The following GNA12 variants were observed in gnomAD, a reference collection of about 807,000 sequenced individuals.
GNA12 encodes G protein subunit alpha 12.
In GNA12, 9 loss-of-function variants were observed where a neutral mutation model predicts 26.0. The observed-to-expected ratio is 0.35, with a 90% CI of 0.21 to 0.60. GNA12 has a LOEUF of 0.60. GNA12 is among the 20% of genes least tolerant of loss of function. The pLI is 0.78. For synonymous variants in GNA12, 264 were observed against 219.6 expected, an observed-to-expected ratio of 1.20 and a Z score of -1.79; for missense variants, 405 against 525.8, an observed-to-expected ratio of 0.77 and a Z score of 2.25.
In GNA12 at chr7:2,758,470, C is replaced by G. The variant is rs143685144; in HGVS notation, c.526-24969G>C. Among the ~76,000 whole-genome samples, 14 of 152,274 alleles carry G rather than the reference C, an allele frequency of 9.2e-5. 1 individual carries two copies. Among genetic ancestry groups the G allele is most frequent in the South Asian group, 4.2e-4 (2 of 4,818 alleles). On this transcript the variant is annotated intron_variant, in intron 2 of 3. Coordinates refer to ENST00000275364, the MANE Select transcript of GNA12 (RefSeq NM_007353.3). ...GGTTCTAAGACGAGCCTCAATGACA[C>G]ACGCCCTGTGCAATTTCTTCCCCTG...
chr7:2,779,008 G>A (rs1262253688), intron 2 of GNA12, among the ~76,000 whole-genome samples: 1 of 152,100 alleles, frequency 6.6e-6, no homozygotes, highest in Non-Finnish European at 1.5e-5. Context: ...AAACTTTATG[G>A]GAGGCCGAGG....
intron 1 of GNA12, among the ~76,000 whole-genome samples, chr7:2,833,032 A>C (rs1156270341): frequency 6.6e-6 from 1 of 152,252 alleles, no homozygotes; most frequent in Non-Finnish European, 1.5e-5. Context: ...TTATCCTCAC[A>C]GAGAGAAAGA....
At chr7:2,773,806 A>C (rs1287570910) in intron 2 of GNA12, among the ~76,000 whole-genome samples, 2 of 152,188 alleles carry the variant, frequency 1.3e-5, no homozygotes, top group Non-Finnish European at 2.9e-5. Context: ...TCACCAAAAG[A>C]CAGGTTCTTG....
rs75896344 is a variant in GNA12 at position 2,806,784 on chromosome 7, T to C, written c.310-11641A>G. Among the ~76,000 whole-genome samples the C allele has an allele frequency of 9.6e-3, 1,459 of 152,246 alleles. 10 individuals are homozygous for C. Among genetic ancestry groups the C allele is most frequent in the Middle Eastern group, 0.075 (22 of 294 alleles). On this transcript the variant is annotated intron_variant, in intron 1 of 3. Transcript: ENST00000275364. Reference sequence around the variant, plus strand: ...GTGGGACATGCTAAGATTGAGGTAATCCCTATGGCTGGACATCGGAATTCT... The same window carrying C: ...GTGGGACATGCTAAGATTGAGGTAACCCCTATGGCTGGACATCGGAATTCT...
chr7:2,798,470 A>G (rs904672755), intron 1 of GNA12, among the ~76,000 whole-genome samples: 1 of 152,222 alleles, frequency 6.6e-6, no homozygotes, highest in Non-Finnish European at 1.5e-5. Flanking sequence ...AATCTAACAA[A>G]ATATGTGTAG....
chr7:2,836,608 G>A (rs773447032), intron 1 of GNA12, among the ~76,000 whole-genome samples: 6 of 152,144 alleles, frequency 3.9e-5, no homozygotes, highest in Non-Finnish European at 5.9e-5. Context: ...AGACCTTTTT[G>A]GCAATGCCCG....
chr7:2,792,610 G>C (rs1792548213), intron 2 of GNA12, among the ~76,000 whole-genome samples: 1 of 152,166 alleles, frequency 6.6e-6, no homozygotes, highest in Non-Finnish European at 1.5e-5. Flanking sequence ...GAGTGTATGG[G>C]GAAAAGGTGT....
intron 1 of GNA12, among the ~76,000 whole-genome samples, chr7:2,811,821 T>G (rs916997673): frequency 2.6e-5 from 4 of 152,226 alleles, no homozygotes; most frequent in Admixed American, 6.5e-5. Context: ...TGCTGACAGC[T>G]GAAAAGACAG....
chr7:2,738,710 T>TA (rs985766142), intron 2 of GNA12, among the ~76,000 whole-genome samples: 4 of 151,444 alleles, frequency 2.6e-5, no homozygotes, highest in Admixed American at 6.6e-5. Flanking sequence ...CTTCCATAAT[T>TA]AAAAAAAAAT....
chr7:2,754,751 A>C (rs574446731), intron 2 of GNA12, among the ~76,000 whole-genome samples: 1 of 152,230 alleles, frequency 6.6e-6, no homozygotes, highest in East Asian at 1.9e-4. Context: ...CCTGCCTCAA[A>C]AGGAGGACTT....
At chr7:2,744,626 A>G (rs55726557) in intron 2 of GNA12, among the ~76,000 whole-genome samples, 16,569 of 152,270 alleles carry the variant, frequency 0.11, 1,041 homozygotes, top group Middle Eastern at 0.18. Context: ...CCTCCTCCAA[A>G]GGAACGCAGC....
chr7:2,784,503 T>C (rs1792311536), intron 2 of GNA12, among the ~76,000 whole-genome samples: 1 of 152,248 alleles, frequency 6.6e-6, no homozygotes, highest in Non-Finnish European at 1.5e-5. Flanking sequence ...ACTTTATGTT[T>C]TGACACAAAC....
At chr7:2,748,641 A>G (rs1790880730) in intron 2 of GNA12, among the ~76,000 whole-genome samples, 2 of 152,210 alleles carry the variant, frequency 1.3e-5, no homozygotes, top group East Asian at 1.9e-4. Context: ...AATGGCAACA[A>G]AAGCCAAAAT....
In GNA12 at chr7:2,730,761, G is replaced by C. The variant is rs1789847629; in HGVS notation, c.*420C>G. 1 of 167,630 alleles carries C rather than the reference G, an allele frequency of 6.0e-6. No homozygotes were observed. Among genetic ancestry groups the C allele is most frequent in the East Asian group, 1.6e-4 (1 of 6,406 alleles). The allele number at this position is 167,630 out of a possible 1,614,324, so 10.4% of individuals were successfully genotyped here. A position where few individuals can be genotyped will look rare whatever the true frequency, so the allele number is the denominator to read the frequency against. On this transcript the variant is annotated 3_prime_UTR_variant, in exon 4 of 4. Coordinates refer to ENST00000275364, the MANE Select transcript of GNA12 (RefSeq NM_007353.3). ...GGTTAGTCTGTCTCAGGGAAGACTT[G>C]TGAGTTAGAAAAGCCGTCTGCAAGG...
chr7:2,758,384 A>G (rs958585842), intron 2 of GNA12, among the ~76,000 whole-genome samples: 2 of 152,172 alleles, frequency 1.3e-5, no homozygotes, highest in Non-Finnish European at 2.9e-5. Context: ...AGGCTTGCAC[A>G]TGAAAGAGGG....
intron 1 of GNA12, chr7:2,815,295 T>C: frequency 4.4e-6 from 1 of 225,262 alleles, no homozygotes; most frequent in Non-Finnish European, 8.8e-6. Flanking sequence ...GGAGGAGGCA[T>C]TTACAAGACC....
intron 2 of GNA12, among the ~76,000 whole-genome samples, chr7:2,794,264 G>C (rs971451460): frequency 1.3e-5 from 2 of 152,188 alleles, no homozygotes; most frequent in Non-Finnish European, 2.9e-5. Flanking sequence ...GTGAGAGTGA[G>C]AGGCATTTCT....
intron 2 of GNA12, 113 bp from the exon 3 acceptor site, chr7:2,733,614 G>A: frequency 2.7e-6 from 2 of 754,476 alleles, no homozygotes; most frequent in Non-Finnish European, 4.7e-6. Flanking sequence ...GTGTGAATGG[G>A]AAAGCAAAGG....
chr7:2,768,410 G>A (rs1040664813), intron 2 of GNA12, among the ~76,000 whole-genome samples: 5 of 152,110 alleles, frequency 3.3e-5, no homozygotes, highest in African/African-American at 7.2e-5. Flanking sequence ...AGCAAGCTAC[G>A]TTTTTCCTAG....
Sources: gnomAD v4.1 joint callset for allele counts (sites outside exome capture counted in the v4.1 genomes callset) on GRCh38, gnomAD v4.1.1 for gene constraint, MANE v1.5 for transcripts, NCBI Gene and HGNC (gene_info 2026-07-23, HGNC 2026-07-21) for gene names.